Variants in CCDC88C observed in about 807,000 individuals in gnomAD.
CCDC88C encodes the protein protein Daple.
Under a neutral mutation model 198.8 loss-of-function variants are expected in CCDC88C, and 131 were observed. The ratio of observed to expected loss-of-function variants is 0.66; its 90% CI spans 0.57 to 0.76. CCDC88C has a LOEUF of 0.76. CCDC88C is among the 30% of genes least tolerant of loss of function. CCDC88C has a pLI of 0.00. For missense variants in CCDC88C, 2,553 were observed against 2,631.6 expected, an observed-to-expected ratio of 0.97 and a Z score of 0.65; for synonymous variants, 1,166 against 1,114.7, an observed-to-expected ratio of 1.05 and a Z score of -0.92.
intron 3 of CCDC88C, among the ~76,000 whole-genome samples, chr14:91,394,191 G>A (rs1885699095): frequency 6.6e-6 from 1 of 152,144 alleles, no homozygotes. Context: ...CCACCCCCCA[G>A]GGACTGAGCC....
In CCDC88C at chr14:91,339,913, G is replaced by A; in HGVS notation, c.595C>T (p.Leu199Phe). The A allele has an allele frequency of 1.9e-6, 3 of 1,592,610 alleles. No individual in the cohort carries two copies. Among genetic ancestry groups the A allele is most frequent in the African/African-American group, 1.3e-5 (1 of 74,466 alleles). ...SRSMVLHLRR[L>F]IDQRDECTEL... is the part of the protein sequence containing the mutation. ...GTGCACTCGTCCCGCTGGTCGATGA[G>A]CCTCCGCAGGTGGAGCACCATGCTC... Residue 199 changes from leucine (L) to phenylalanine (F), a missense_variant, in exon 7 of 30, where the codon CTC (leucine) becomes TTC (phenylalanine). Physicochemically the swap from Leu to Phe is conservative, Grantham distance 22. Around this residue, in one of 2 missense-constraint regions of CCDC88C, gnomAD observed 1,260 missense variants for 1,412.0 expected, o/e 0.89. Transcript: ENST00000389857. The surrounding 1 kb of genome is among the most constrained non-coding windows in gnomAD (Gnocchi z 5.8).
intron 3 of CCDC88C, among the ~76,000 whole-genome samples, chr14:91,396,466 G>A (rs1377220461): frequency 1.3e-5 from 2 of 151,982 alleles, no homozygotes; most frequent in African/African-American, 2.4e-5. Context: ...CTTCATTCAC[G>A]CCCGCATCAC....
At chr14:91,317,847 C>T (rs538076735) in intron 13 of CCDC88C, among the ~76,000 whole-genome samples, 11 of 152,240 alleles carry the variant, frequency 7.2e-5, no homozygotes, top group East Asian at 1.9e-4. Flanking sequence ...GGTGGGTGGG[C>T]GACGCCCCCG....
At chr14:91,275,069 G>C (rs539704422) in intron 29 of CCDC88C, among the ~76,000 whole-genome samples, 2 of 152,324 alleles carry the variant, frequency 1.3e-5, no homozygotes, top group East Asian at 3.9e-4. Flanking sequence ...CCTGGGATGG[G>C]AAGCCCCTGT....
intron 3 of CCDC88C, among the ~76,000 whole-genome samples, chr14:91,363,776 C>T (rs942777714): frequency 1.3e-5 from 2 of 152,276 alleles, no homozygotes; most frequent in Non-Finnish European, 2.9e-5. Flanking sequence ...CTGGTGGCTA[C>T]TGGGCCCCAA....
intron 22 of CCDC88C, 66 bp from the exon 23 acceptor site, chr14:91,294,384 G>A: frequency 6.4e-7 from 1 of 1,568,562 alleles, no homozygotes; most frequent in South Asian, 1.1e-5. Context: ...TGGGAACCTA[G>A]CTCCCAAAGG....
chr14:91,384,545 C>T (rs1885011560), intron 3 of CCDC88C: 6 of 498,236 alleles, frequency 1.2e-5, no homozygotes, highest in South Asian at 8.6e-5. Flanking sequence ...TAATCATCAC[C>T]CCATCTCTTA....
At chr14:91,281,369 G>A (rs781443006) in intron 27 of CCDC88C, 88 bp downstream of exon 27, 16 of 1,599,446 alleles carry the variant, frequency 1.0e-5, no homozygotes, top group African/African-American at 1.3e-5. Flanking sequence ...TTGGACTCCC[G>A]TACAGGACTC....
rs759677303 is a variant in CCDC88C, at chr14:91,308,507, G to C, written c.2865-15C>G. On this transcript the variant is annotated splice_polypyrimidine_tract_variant and intron_variant, in intron 16 of 29. Coordinates refer to ENST00000389857, the MANE Select transcript of CCDC88C (RefSeq NM_001080414.4). ...TCTTGTATTTTCTGGAAAACACAAA[G>C]ATACAATAGTATCACTTATCTACTT... 1.7e-4 allele frequency: 278 copies of C among 1,612,926 alleles called. No individual in the cohort carries two copies. The highest frequency in any genetic ancestry group is 8.2e-4 in the Middle Eastern group (5 of 6,062).
At chr14:91,394,188 C>A (rs965794511) in intron 3 of CCDC88C, among the ~76,000 whole-genome samples, 2 of 152,196 alleles carry the variant, frequency 1.3e-5, no homozygotes, top group African/African-American at 4.8e-5. Context: ...TTTCCACCCC[C>A]CAGGGACTGA....
Position 91,273,081 on chromosome 14 carries a change from G to T in CCDC88C, c.5631C>A (p.Arg1877=). The change falls in exon 30 of 30, where the codon CGC becomes CGA. Residue 1877 remains arginine, a synonymous_variant. Coordinates refer to ENST00000389857, the MANE Select transcript of CCDC88C (RefSeq NM_001080414.4). This position sits in a 1 kb window ranked among gnomAD's most constrained non-coding sequence, Gnocchi z 5.6. ...AGSSCQGPGP[R]SRPLDTRRFS... is the part of the protein sequence containing the mutation. ...AGCGCCTCGTGTCCAGCGGCCGGCT[G>T]CGGGGACCTGGGCCCTGACAGGAGC... 1 of 1,561,110 alleles carries T rather than the reference G, an allele frequency of 6.4e-7. No homozygotes were observed. Among genetic ancestry groups the T allele is most frequent in the South Asian group, 1.2e-5 (1 of 85,266 alleles).
At chr14:91,415,170 A>G (rs944740257) in intron 2 of CCDC88C, among the ~76,000 whole-genome samples, 1 of 152,144 alleles carries the variant, frequency 6.6e-6, no homozygotes, top group Non-Finnish European at 1.5e-5. Context: ...GGAATCCAGT[A>G]ATTTTCAGGG....
chr14:91,398,899 G>A (rs146614365), intron 3 of CCDC88C, among the ~76,000 whole-genome samples: 7 of 152,154 alleles, frequency 4.6e-5, no homozygotes, highest in African/African-American at 4.8e-5. Context: ...CGGCCCAGAC[G>A]GCTGTTCCTG....
At chr14:91,309,763 A>G (rs1177881179) in intron 16 of CCDC88C, 96 bp downstream of exon 16, 1 of 1,334,428 alleles carries the variant, frequency 7.5e-7, no homozygotes. Flanking sequence ...TCGGCAGTAG[A>G]GAGTTCATGG....
At chr14:91,411,871 G>A (rs971107148) in intron 2 of CCDC88C, among the ~76,000 whole-genome samples, 3 of 151,398 alleles carry the variant, frequency 2.0e-5, no homozygotes, top group African/African-American at 7.3e-5. Flanking sequence ...GCTGAGGCAG[G>A]AGAATCACCT....
chr14:91,327,040 T>C (rs935729639), intron 10 of CCDC88C, among the ~76,000 whole-genome samples: 13 of 152,338 alleles, frequency 8.5e-5, no homozygotes, highest in African/African-American at 3.1e-4. Context: ...GCTACGGGCT[T>C]TCTTGGCTTC....
chr14:91,274,937 A>AC (rs1014244285), intron 29 of CCDC88C, among the ~76,000 whole-genome samples: 2 of 151,996 alleles, frequency 1.3e-5, no homozygotes, highest in African/African-American at 4.8e-5. Flanking sequence ...CTCCCTGCAC[A>AC]CCTCAGAGCC....
intron 25 of CCDC88C, 44 bp downstream of exon 25, chr14:91,289,061 C>A (rs1444713147): frequency 1.3e-6 from 2 of 1,527,080 alleles, no homozygotes; most frequent in Non-Finnish European, 1.8e-6. Context: ...CCCTTCAGGA[C>A]ACCCCCTTCC....
chr14:91,385,059 G>A (rs941517889), intron 3 of CCDC88C, among the ~76,000 whole-genome samples: 5 of 152,128 alleles, frequency 3.3e-5, no homozygotes, highest in Admixed American at 6.5e-5. Context: ...TGGTGAGACC[G>A]GCACTACCAA....
Sources: allele counts gnomAD v4.1 joint callset (sites outside exome capture counted in the v4.1 genomes callset), GRCh38; gene constraint gnomAD v4.1.1; regional missense constraint gnomAD v4.1.1; non-coding constraint Gnocchi (gnomAD v3.1); transcripts MANE v1.5; gene names NCBI Gene and HGNC (gene_info 2026-07-23, HGNC 2026-07-21).